ATG2B: variants seen among roughly 807,000 people sequenced by gnomAD.
ATG2B encodes autophagy related 2B, also known as autophagy-related protein 2 homolog B.
In ATG2B, 121 loss-of-function variants were observed where a neutral mutation model predicts 241.3. The ratio of observed to expected loss-of-function variants is 0.50; its 90% CI spans 0.43 to 0.58. The LOEUF is 0.58. ATG2B is among the 20% of genes least tolerant of loss of function. ATG2B has a pLI of 0.00. For missense variants in ATG2B, 2,306 were observed against 2,491.6 expected (o/e 0.93, Z 1.59); for synonymous variants, 858 against 876.6 (o/e 0.98, Z 0.37).
intron 34 of ATG2B, among the ~76,000 whole-genome samples, chr14:96,296,428 T>C (rs1886642385): frequency 6.6e-6 from 1 of 152,046 alleles, no homozygotes; most frequent in African/African-American, 2.4e-5. Flanking sequence ...GAGGATATAT[T>C]TGTATATATG....
intron 41 of ATG2B, among the ~76,000 whole-genome samples, chr14:96,287,475 C>T (rs1419208325): frequency 6.6e-6 from 1 of 152,154 alleles, no homozygotes; most frequent in African/African-American, 2.4e-5. Context: ...CGAGGCCGAC[C>T]ACCACTACGT....
At chr14:96,359,263 T>A (rs1045839765) in intron 1 of ATG2B, among the ~76,000 whole-genome samples, 1 of 151,828 alleles carries the variant, frequency 6.6e-6, no homozygotes, top group African/African-American at 2.4e-5. Flanking sequence ...TCCCAGCTAC[T>A]GCAGGGAGGG....
At chr14:96,316,420 T>A (rs1887314849) in intron 21 of ATG2B, 113 bp downstream of exon 21, 4 of 1,083,526 alleles carry the variant, frequency 3.7e-6, no homozygotes, top group Admixed American at 2.7e-5. Context: ...ATGAGAGCCC[T>A]CCACAGAAAA....
At chr14:96,341,181 G>T (rs980110494) in intron 6 of ATG2B, among the ~76,000 whole-genome samples, 1 of 152,076 alleles carries the variant, frequency 6.6e-6, no homozygotes, top group African/African-American at 2.4e-5. Flanking sequence ...AAAATAGAAA[G>T]AATTTTTTAA....
rs957707845 is a variant in ATG2B at position 96,344,685 on chromosome 14, T to C, written c.550A>G (p.Thr184Ala). ...RIEHVPENSK[T>A]GTALEIRIER... ...ATTCGAATTTCAAGTGCAGTTCCAG[T>C]TTTGGAATTTTCTGGCACATGTTCA... The change falls in exon 4 of 42, where the codon ACT becomes GCT. Residue 184 changes from threonine (T) to alanine (A), a missense_variant. By Grantham distance (58) the Thr-to-Ala change is moderately conservative. This residue lies in a region of ATG2B where 1,927 missense variants were observed against 2,011.2 expected (regional missense o/e 0.96). Coordinates refer to ENST00000359933, the MANE Select transcript of ATG2B (RefSeq NM_018036.7). 3 of 1,606,192 alleles carry C rather than the reference T, an allele frequency of 1.9e-6. No individual in the cohort carries two copies. Among genetic ancestry groups the C allele is most frequent in the African/African-American group, 1.3e-5 (1 of 74,616 alleles).
intron 6 of ATG2B, among the ~76,000 whole-genome samples, chr14:96,340,105 TATATGATATATATGAATATATATA>T (rs1887979738): frequency 4.5e-5 from 1 of 22,178 alleles, no homozygotes; most frequent in African/African-American, 3.3e-4. Flanking sequence ...CTATATAGAA[TATATGATATATATGAATATATATA>T]TCATATATGA....
chr14:96,300,821 C>CTA (rs1886769830), intron 34 of ATG2B, among the ~76,000 whole-genome samples: 1 of 152,216 alleles, frequency 6.6e-6, no homozygotes, highest in Non-Finnish European at 1.5e-5. Context: ...CTGTACTTCA[C>CTA]AGTACATTTT....
chr14:96,301,883 A>C (rs1009049759), intron 34 of ATG2B, 124 bp downstream of exon 34: 23 of 692,852 alleles, frequency 3.3e-5, no homozygotes, highest in Non-Finnish European at 5.0e-5. Flanking sequence ...ATTCTTTATC[A>C]GAAGTTTGCT....
chr14:96,323,341 C>CTGTA (rs1164681841), intron 16 of ATG2B, among the ~76,000 whole-genome samples: 1 of 152,138 alleles, frequency 6.6e-6, no homozygotes, highest in Non-Finnish European at 1.5e-5. Context: ...TAATCCCTTT[C>CTGTA]CTAAGCTTCT....
Position 96,305,790 on chromosome 14 carries a change from T to G in ATG2B, c.4532A>C (p.Lys1511Thr). ...MQEKEEEPVI[K>T]IMVDDAIVIR... ...CACAATTGCATCATCAACCATGATT[T>G]TTATAACTGGTTCTTCTTCCTTCTC... The change falls in exon 31 of 42, where the codon AAA becomes ACA. Residue 1511 changes from lysine to threonine, a missense_variant. Physicochemically the swap from Lys to Thr is moderately conservative, Grantham distance 78 (BLOSUM62 -1). Around this residue, in one of 2 missense-constraint regions of ATG2B, gnomAD observed 1,927 missense variants for 2,011.2 expected, o/e 0.96. Coordinates refer to ENST00000359933, the MANE Select transcript of ATG2B (RefSeq NM_018036.7). 1 of 1,614,148 alleles carries G rather than the reference T, an allele frequency of 6.2e-7. No homozygotes were observed. Among genetic ancestry groups the G allele is most frequent in the Non-Finnish European group, 8.5e-7 (1 of 1,179,964 alleles).
chr14:96,328,666 T>C lies in ATG2B; in HGVS notation c.1974+8A>G. ...TACAGGTGGCAATTATAGAAAAAGA[T>C]CTCTTACCTGGGGCCCTCTATTCTC... On this transcript the variant is annotated splice_region_variant and intron_variant, in intron 13 of 41. Coordinates refer to ENST00000359933, the MANE Select transcript of ATG2B (RefSeq NM_018036.7). 1.9e-6 allele frequency: 3 copies of C among 1,591,796 alleles called. No individual in the cohort carries two copies. Among genetic ancestry groups the C allele is most frequent in the Non-Finnish European group, 2.6e-6 (3 of 1,171,310 alleles).
intron 17 of ATG2B, 23 bp downstream of exon 17, chr14:96,322,517 T>C (rs767107008): frequency 1.3e-6 from 2 of 1,592,920 alleles, no homozygotes; most frequent in Admixed American, 3.5e-5. Context: ...TATTATTCCT[T>C]TGTAGCTTGC....
At chr14:96,329,678 G>A in intron 11 of ATG2B, 44 bp from the exon 12 acceptor site, 4 of 1,320,574 alleles carry the variant, frequency 3.0e-6, no homozygotes, top group Non-Finnish European at 4.3e-6. Context: ...GTGTTAAAAT[G>A]TAACAATTAT....
At chr14:96,362,763 C>T (rs1449230731) in intron 1 of ATG2B, 52 bp downstream of exon 1, 19 of 1,549,502 alleles carry the variant, frequency 1.2e-5, no homozygotes, top group East Asian at 9.1e-5. Flanking sequence ...TGGTTCAAAG[C>T]GCCCTAAAGA....
At chr14:96,350,042 GC>G (rs1331664099) in intron 1 of ATG2B, among the ~76,000 whole-genome samples, 1 of 152,142 alleles carries the variant, frequency 6.6e-6, no homozygotes, top group East Asian at 1.9e-4. Flanking sequence ...CGTAATCCCA[GC>G]TACTTGAGAA....
rs143438324 is a variant in ATG2B, at chr14:96,310,097, A to G, written c.4162-503T>C. Among the ~76,000 whole-genome samples, 649 of 152,288 alleles carry G rather than the reference A, an allele frequency of 4.3e-3. 25 individuals carry two copies. In the South Asian group the frequency reaches 0.067, roughly 16 times the overall value. ...CAAATACTTAACCAAATACTTCACCAATGGTTGGTGAACTGTAGATTCATT... is the reference window on the plus strand; with the variant it reads ...CAAATACTTAACCAAATACTTCACCGATGGTTGGTGAACTGTAGATTCATT... On this transcript the variant is annotated intron_variant, in intron 28 of 41. Transcript: ENST00000359933.
chr14:96,325,607 T>C, intron 15 of ATG2B, 42 bp downstream of exon 15: 1 of 1,553,976 alleles, frequency 6.4e-7, no homozygotes, highest in East Asian at 2.3e-5. Context: ...AGCAGTTGTT[T>C]GTTATCTAGG....
intron 1 of ATG2B, among the ~76,000 whole-genome samples, chr14:96,359,886 A>G (rs1336399962): frequency 6.6e-6 from 1 of 152,212 alleles, no homozygotes; most frequent in Admixed American, 6.5e-5. Flanking sequence ...TTAGATTGAA[A>G]AGTTGTACTT....
At chr14:96,351,604 C>T (rs1324242974) in intron 1 of ATG2B, among the ~76,000 whole-genome samples, 2 of 152,058 alleles carry the variant, frequency 1.3e-5, no homozygotes, top group Non-Finnish European at 2.9e-5. Flanking sequence ...GGCATGGTGG[C>T]CCACGCCTTT....
Sources: gnomAD v4.1 joint callset for allele counts (sites outside exome capture counted in the v4.1 genomes callset) on GRCh38, gnomAD v4.1.1 for gene constraint, gnomAD v4.1.1 regional missense constraint, MANE v1.5 for transcripts, NCBI Gene and HGNC (gene_info 2026-07-23, HGNC 2026-07-21) for gene names.